Variants in FLT3 observed in about 807,000 individuals in gnomAD.
FLT3 encodes the protein fms related receptor tyrosine kinase 3, also known as receptor-type tyrosine-protein kinase FLT3.
In FLT3, 46 loss-of-function variants were observed where a neutral mutation model predicts 126.6. The ratio of observed to expected loss-of-function variants is 0.36; its 90% confidence interval spans 0.29 to 0.46. The LOEUF (loss-of-function observed/expected upper bound fraction) is 0.46, where lower values mean the gene tolerates loss of function less well. Among genes scored for constraint, FLT3 ranks in the 20% least tolerant of loss-of-function variants. The probability of loss-of-function intolerance (pLI) is 1.00; values close to 1 mark genes in which losing one functional copy is unlikely to be tolerated. For missense variants in FLT3, 1,069 were observed against 1,190.3 expected (o/e 0.90, Z 1.50); for synonymous variants, 404 against 434.4 (o/e 0.93, Z 0.87).
intron 1 of FLT3, among the ~76,000 whole-genome samples, chr13:28,071,847 AT>A (rs200423823): frequency 5.3e-5 from 8 of 149,690 alleles, no homozygotes; most frequent in East Asian, 3.9e-4. Flanking sequence ...CTTCTTTTTA[AT>A]TTTTTTTTTA....
At chr13:28,048,226 A>C (rs1875079996) in intron 9 of FLT3, 49 bp downstream of exon 9, 1 of 1,472,908 alleles carries the variant, frequency 6.8e-7, no homozygotes, top group African/African-American at 1.4e-5. Context: ...GGCGACAAGC[A>C]AGGAGAATTA....
At chr13:28,034,052 G>A (rs2137674159) in intron 14 of FLT3, 30 bp downstream of exon 14, 1 of 1,613,456 alleles carries the variant, frequency 6.2e-7, no homozygotes. Context: ...AAGAAATGCT[G>A]CAGAAACATT....
chr13:28,038,299 G>A (rs1362289089), intron 9 of FLT3, among the ~76,000 whole-genome samples: 1 of 152,016 alleles, frequency 6.6e-6, no homozygotes, highest in Non-Finnish European at 1.5e-5. Flanking sequence ...GATGGTGCAG[G>A]AGAGGCAGGG....
chr13:28,052,461 T>C, intron 5 of FLT3, 84 bp downstream of exon 5: 9 of 1,371,646 alleles, frequency 6.6e-6, no homozygotes, highest in Non-Finnish European at 9.0e-6. Context: ...TAAATTAAAT[T>C]TTACATACAG....
At chr13:28,087,583 T>G (rs1432842017) in intron 1 of FLT3, among the ~76,000 whole-genome samples, 1 of 152,228 alleles carries the variant, frequency 6.6e-6, no homozygotes, top group East Asian at 1.9e-4. Flanking sequence ...TTTGACAATT[T>G]TCCTCCCTTA....
At chr13:28,034,253 G>T in intron 13 of FLT3, 39 bp from the exon 14 acceptor site, 1 of 1,613,580 alleles carries the variant, frequency 6.2e-7, no homozygotes, top group East Asian at 2.2e-5. Context: ...GGAATAGGCA[G>T]TTCTGCAGAT....
intron 2 of FLT3, among the ~76,000 whole-genome samples, chr13:28,069,940 C>T (rs563936726): frequency 1.3e-5 from 2 of 151,854 alleles, no homozygotes; most frequent in African/African-American, 4.8e-5. Context: ...AGAGTGGGAC[C>T]CCATCTTTGC....
At chr13:28,073,940 TAAAA>T (rs747529463) in intron 1 of FLT3, among the ~76,000 whole-genome samples, 1 of 132,518 alleles carries the variant, frequency 7.5e-6, no homozygotes, top group Non-Finnish European at 1.6e-5. Flanking sequence ...ATCCTGCCTC[TAAAA>T]AAAAAAAAAA....
At chr13:28,027,695 T>C (rs951958753) in intron 16 of FLT3, among the ~76,000 whole-genome samples, 1 of 152,240 alleles carries the variant, frequency 6.6e-6, no homozygotes, top group African/African-American at 2.4e-5. Flanking sequence ...AGAATGAACC[T>C]TGGGCACATC....
intron 15 of FLT3, among the ~76,000 whole-genome samples, chr13:28,031,238 G>A (rs1873313368): frequency 6.6e-6 from 1 of 151,978 alleles, no homozygotes; most frequent in East Asian, 1.9e-4. Context: ...AAAAAAAGAA[G>A]AAAAAATGCA....
intron 9 of FLT3, among the ~76,000 whole-genome samples, chr13:28,046,008 A>G (rs1874836435): frequency 6.6e-6 from 1 of 150,948 alleles, no homozygotes; most frequent in African/African-American, 2.4e-5. Context: ...TTTTGGTCAC[A>G]CTGGGAAAAG....
At chr13:28,024,160 C>T (rs1872627129) in intron 18 of FLT3, among the ~76,000 whole-genome samples, 2 of 143,488 alleles carry the variant, frequency 1.4e-5, no homozygotes, top group East Asian at 2.0e-4. Context: ...GAGTTGAAGT[C>T]TCACTCTGTT....
At chr13:28,067,397 G>A (rs1320534) in intron 2 of FLT3, among the ~76,000 whole-genome samples, 113,697 of 152,020 alleles carry the variant, frequency 0.75, 42,845 homozygotes, top group East Asian at 0.82. Flanking sequence ...GGCTTCAGAG[G>A]AGAGAGAATA....
chr13:28,003,348 G>C lies in FLT3; in HGVS notation c.*704C>G, dbSNP rs964474514. 4.3e-6 allele frequency: 1 copy of C among 233,114 alleles called. No individual in the cohort carries two copies. The highest frequency in any genetic ancestry group is 8.5e-6 in the Non-Finnish European group (1 of 118,054). The allele number at this position is 233,114 out of a possible 1,614,324, so 14.4% of individuals were successfully genotyped here. A position where few individuals can be genotyped will look rare whatever the true frequency, so the allele number is the denominator to read the frequency against. On this transcript the variant is annotated 3_prime_UTR_variant, in exon 24 of 24. Coordinates refer to ENST00000241453, the MANE Select transcript of FLT3 (RefSeq NM_004119.3). Reference sequence around the variant, plus strand: ...TCTGACTGGCCCTGAGTCTGGGAAGGCCGCCAAAGTGTCTAGGTGATGTAT... The same window carrying C: ...TCTGACTGGCCCTGAGTCTGGGAAGCCCGCCAAAGTGTCTAGGTGATGTAT...
intron 19 of FLT3, among the ~76,000 whole-genome samples, chr13:28,020,418 T>C (rs1394047618): frequency 6.6e-6 from 1 of 152,184 alleles, no homozygotes; most frequent in African/African-American, 2.4e-5. Flanking sequence ...GTACAATCTC[T>C]GCTCACTGCA....
Position 28,033,889 on chromosome 13 carries a change from T to C in FLT3, c.1940A>G (p.Lys647Arg). 6.2e-7 allele frequency: 1 copy of C among 1,612,574 alleles called. No individual in the cohort carries two copies. Among genetic ancestry groups the C allele is most frequent in the East Asian group, 2.2e-5 (1 of 44,878 alleles). ...GCTGTCCTTCCACTATACTGTACCT[T>C]TCAGCATTTTGACGGCAACCTGGAT... Reference protein sequence around the residue: ...VSIQVAVKMLKEKADSSEREA... With the variant: ...VSIQVAVKMLREKADSSEREA... The change falls in exon 15 of 24, where the codon AAA (lysine) becomes AGA (arginine). Residue 647 changes from lysine to arginine, a missense_variant and splice_region_variant. By Grantham distance (26) the Lys-to-Arg change is conservative. Transcript: ENST00000241453.
At chr13:28,022,029 G>C (rs183966630) in intron 19 of FLT3, among the ~76,000 whole-genome samples, 1 of 150,292 alleles carries the variant, frequency 6.7e-6, no homozygotes, top group Non-Finnish European at 1.5e-5. Flanking sequence ...GAGCTACCAC[G>C]CCCGGCTGCC....
intron 9 of FLT3, among the ~76,000 whole-genome samples, chr13:28,040,740 T>C (rs1593249626): frequency 6.6e-6 from 1 of 152,250 alleles, no homozygotes; most frequent in East Asian, 1.9e-4. Context: ...TTCACATCTG[T>C]AATCCCAGCA....
intron 18 of FLT3, 119 bp from the exon 19 acceptor site, chr13:28,023,596 C>A: frequency 9.4e-7 from 1 of 1,067,466 alleles, no homozygotes; most frequent in Non-Finnish European, 1.4e-6. Flanking sequence ...GAAGCTATCG[C>A]ATTATCTTCC....
Sources: gnomAD v4.1 joint callset for allele counts (sites outside exome capture counted in the v4.1 genomes callset) on GRCh38, gnomAD v4.1.1 for gene constraint, MANE v1.5 for transcripts, NCBI Gene and HGNC (gene_info 2026-07-23, HGNC 2026-07-21) for gene names.